SMARCA5: variants seen among roughly 807,000 people sequenced by gnomAD.
The protein encoded by SMARCA5 is SNF2 related chromatin remodeling ATPase 5, also known as SWI/SNF-related matrix-associated actin-dependent regulator of chromatin subfamily A member 5.
In SMARCA5, 18 loss-of-function variants were observed where a neutral mutation model predicts 140.4. The observed-to-expected ratio is 0.13, with a 90% CI of 0.09 to 0.19. The LOEUF is 0.19. SMARCA5 is among the 10% of genes least tolerant of loss of function. The probability of loss-of-function intolerance (pLI) is 1.00; values close to 1 mark genes in which losing one functional copy is unlikely to be tolerated. For missense variants in SMARCA5, 606 were observed against 1,276.8 expected (o/e 0.47, Z 8.01); for synonymous variants, 449 against 419.6 (o/e 1.07, Z -0.86).
In SMARCA5 at chr4:143,532,840, T is replaced by TA. The variant is rs144575928; in HGVS notation, c.1159-2014dup. On this transcript the variant is annotated intron_variant, in intron 9 of 23. Coordinates refer to ENST00000283131, the MANE Select transcript of SMARCA5 (RefSeq NM_003601.4). ...TGGATTACACTTGGGGTTATCCAGT[T>TA]ACATTTATTTAGCTGGACAATGCTA... 1.9e-3 allele frequency among the ~76,000 whole-genome samples: 289 copies of TA among 152,316 alleles called. 1 individual carries two copies. Among genetic ancestry groups the TA allele is most frequent in the African/African-American group, 6.4e-3 (266 of 41,562 alleles).
At chr4:143,552,225 T>C (rs1229295561) in intron 23 of SMARCA5, among the ~76,000 whole-genome samples, 2 of 152,056 alleles carry the variant, frequency 1.3e-5, no homozygotes, top group Non-Finnish European at 2.9e-5. Context: ...TGCTACTGTT[T>C]GTTGTATGTT....
intron 21 of SMARCA5, 48 bp downstream of exon 21, chr4:143,547,551 C>CT: frequency 1.0e-6 from 1 of 968,466 alleles, no homozygotes; most frequent in Non-Finnish European, 1.7e-6. Flanking sequence ...TAACTCCTAG[C>CT]TGTGAGTATG....
chr4:143,526,110 A>T (rs546897902), intron 5 of SMARCA5, among the ~76,000 whole-genome samples, 171 bp from the exon 6 acceptor site: 1 of 152,338 alleles, frequency 6.6e-6, no homozygotes, highest in South Asian at 2.1e-4. Context: ...AGACTTGTGA[A>T]AATTATATGA....
intron 6 of SMARCA5, among the ~76,000 whole-genome samples, chr4:143,527,435 C>T (rs1737097701): frequency 6.6e-6 from 1 of 152,092 alleles, no homozygotes; most frequent in Admixed American, 6.6e-5. Context: ...GTTTCCTTAC[C>T]TTTAAAATAA....
At position 143,514,110 on chromosome 4, in the gene SMARCA5, G is replaced by A; in HGVS notation, c.177+9G>A. On this transcript the variant is annotated intron_variant, in intron 1 of 23. Transcript: ENST00000283131. ...CAGACGCCGAGATGGAGGTGAGGGC[G>A]ACTTGCGGCATGGGGAGCGGGTGCA... is the stretch of plus-strand genomic sequence containing the variant. 2.0e-6 allele frequency: 3 copies of A among 1,528,114 alleles called. No homozygotes were observed. The highest frequency in any genetic ancestry group is 2.6e-6 in the Non-Finnish European group (3 of 1,144,754). 94.7% of individuals were successfully genotyped at this position (1,528,114 alleles called of 1,614,324 possible).
At chr4:143,545,197 T>C (rs1158442835) in intron 17 of SMARCA5, among the ~76,000 whole-genome samples, 1 of 152,172 alleles carries the variant, frequency 6.6e-6, no homozygotes, top group Non-Finnish European at 1.5e-5. Flanking sequence ...CACCTTGGTC[T>C]CCCAAAGTAT....
At position 143,547,522 on chromosome 4, in the gene SMARCA5, A is replaced by C. The variant is rs190460837; in HGVS notation, c.2772+19A>C. 1.8e-4 allele frequency: 221 copies of C among 1,248,518 alleles called. 1 individual carries two copies. The African/African-American group carries it at 2.8e-3, about 16-fold the overall frequency. The allele number at this position is 1,248,518 out of a possible 1,614,324, so 77.3% of individuals were successfully genotyped here. A position where few individuals can be genotyped will look rare whatever the true frequency, so the allele number is the denominator to read the frequency against. ...CACAAAGGTAATTTGCTTGTTAATA[A>C]GTTAGGTAGTTAATAAAATAACTCC... On this transcript the variant is annotated intron_variant, in intron 21 of 23. Coordinates refer to ENST00000283131, the MANE Select transcript of SMARCA5 (RefSeq NM_003601.4).
At position 143,523,162 on chromosome 4, in the gene SMARCA5, G is replaced by T. The variant is rs1300195346; in HGVS notation, c.420-1205G>T. ...CAAGCGATTCTTGGACCTCAGCTGG[G>T]ATTACAGGCTCACGCCACCACGCCC... On this transcript the variant is annotated intron_variant, in intron 3 of 23. Coordinates refer to ENST00000283131, the MANE Select transcript of SMARCA5 (RefSeq NM_003601.4). Among the ~76,000 whole-genome samples the T allele has an allele frequency of 2.6e-5, 4 of 152,046 alleles. No individual in the cohort carries two copies. The East Asian group carries it at 7.7e-4, about 29-fold the overall frequency.
Position 143,513,843 on chromosome 4 carries a change from G to C in SMARCA5, c.-82G>C, listed in dbSNP as rs979052083. On this transcript the variant is annotated 5_prime_UTR_variant, in exon 1 of 24. Transcript: ENST00000283131. ...CGCTCCTCCACCAGTTTATTGCGAC[G>C]TAGCATCCAGGCCTAGGCCTCCCCG... 6.3e-6 allele frequency: 9 copies of C among 1,437,722 alleles called. No homozygotes were observed. The African/African-American group carries it at 1.3e-4, about 21-fold the overall frequency. 89.1% of individuals were successfully genotyped at this position (1,437,722 alleles called of 1,614,324 possible). A position where few individuals can be genotyped will look rare whatever the true frequency, so the allele number is the denominator to read the frequency against.
At chr4:143,536,887 C>CAT (rs1458316503) in intron 11 of SMARCA5, among the ~76,000 whole-genome samples, 3 of 152,092 alleles carry the variant, frequency 2.0e-5, no homozygotes, top group African/African-American at 4.8e-5. Context: ...TTAGAGCAAC[C>CAT]ATACTCCCTT....
chr4:143,547,497 C>T lies in SMARCA5; in HGVS notation c.2766C>T (p.Asp922=). Residue 922 remains aspartate, a synonymous_variant, in exon 21 of 24, where the codon GAC becomes GAT. Transcript: ENST00000283131. ...QRRISIKKAL[D]TKIGRYKAPF... is the part of the protein sequence containing the mutation. ...GAATAAGCATCAAGAAAGCACTTGACACAAAGGTAATTTGCTTGTTAATAA... is the reference window on the plus strand; with the variant it reads ...GAATAAGCATCAAGAAAGCACTTGATACAAAGGTAATTTGCTTGTTAATAA... 1 of 1,545,916 alleles carries T rather than the reference C, an allele frequency of 6.5e-7. No homozygotes were observed. Among genetic ancestry groups the T allele is most frequent in the Non-Finnish European group, 8.9e-7 (1 of 1,118,974 alleles).
chr4:143,526,481 T>C, intron 6 of SMARCA5, 21 bp downstream of exon 6: 1 of 1,532,566 alleles, frequency 6.5e-7, no homozygotes, highest in Non-Finnish European at 9.0e-7. Context: ...AGTATTTCAT[T>C]ACATTTTTGA....
chr4:143,550,170 T>C (rs1052699526), intron 23 of SMARCA5, 66 bp downstream of exon 23: 48 of 845,058 alleles, frequency 5.7e-5, no homozygotes, highest in Non-Finnish European at 8.8e-5. Context: ...TATTTAACAC[T>C]GCTTGGCTGT....
At chr4:143,547,255 G>A (rs1184566588) in intron 20 of SMARCA5, 130 bp from the exon 21 acceptor site, 10 of 598,528 alleles carry the variant, frequency 1.7e-5, no homozygotes, top group Non-Finnish European at 3.0e-5. Context: ...GTGAGGGTAT[G>A]CTGTGGTGAG....
intron 9 of SMARCA5, among the ~76,000 whole-genome samples, chr4:143,533,349 CAT>C (rs1328990229): frequency 6.6e-6 from 1 of 152,112 alleles, no homozygotes; most frequent in Non-Finnish European, 1.5e-5. Context: ...TGGGTAATAA[CAT>C]GGGTACTTTT....
chr4:143,524,251 C>A, intron 3 of SMARCA5, 116 bp from the exon 4 acceptor site: 1 of 586,028 alleles, frequency 1.7e-6, no homozygotes. Flanking sequence ...TGGTTGATGC[C>A]TGTTAAAAAT....
Position 143,547,492 on chromosome 4 carries a change from C to A in SMARCA5, c.2761C>A (p.Leu921Ile). 1.3e-6 allele frequency: 2 copies of A among 1,569,006 alleles called. No individual in the cohort carries two copies. Among genetic ancestry groups the A allele is most frequent in the Non-Finnish European group, 1.8e-6 (2 of 1,139,724 alleles). The change falls in exon 21 of 24, where the codon CTT becomes ATT. Residue 921 changes from leucine to isoleucine, a missense_variant. This residue lies in a region of SMARCA5 where 121 missense variants were observed against 227.1 expected (regional missense o/e 0.53). Coordinates refer to ENST00000283131, the MANE Select transcript of SMARCA5 (RefSeq NM_003601.4). ...IQRRISIKKA[L>I]DTKIGRYKAP... Reference sequence around the variant, plus strand: ...AAGAAGAATAAGCATCAAGAAAGCACTTGACACAAAGGTAATTTGCTTGTT... The same window carrying A: ...AAGAAGAATAAGCATCAAGAAAGCAATTGACACAAAGGTAATTTGCTTGTT...
intron 4 of SMARCA5, 102 bp downstream of exon 4, chr4:143,524,569 T>C (rs980393648): frequency 7.4e-6 from 5 of 678,096 alleles, no homozygotes; most frequent in Non-Finnish European, 1.3e-5. Context: ...AGCAAATTTT[T>C]AGTAGTCTTA....
rs766481680 is a variant in SMARCA5 at position 143,540,352 on chromosome 4, A to T, written c.1771-11A>T. The stretch of plus-strand genomic sequence containing the variant: ...TAAACTAAATTCAAAATAACATGGT[A>T]ATTTATTTAGGACCGAGCACATAGA... On this transcript the variant is annotated splice_polypyrimidine_tract_variant and intron_variant, in intron 13 of 23. Transcript: ENST00000283131. 1 of 1,571,422 alleles carries T rather than the reference A, an allele frequency of 6.4e-7. No homozygotes were observed. Among genetic ancestry groups the T allele is most frequent in the South Asian group, 1.2e-5 (1 of 83,066 alleles).
Sources: allele counts gnomAD v4.1 joint callset (sites outside exome capture counted in the v4.1 genomes callset), GRCh38; gene constraint gnomAD v4.1.1; regional missense constraint gnomAD v4.1.1; transcripts MANE v1.5; gene names NCBI Gene and HGNC (gene_info 2026-07-23, HGNC 2026-07-21).